CRIM1: variants seen among roughly 807,000 people sequenced by gnomAD.
CRIM1 encodes the protein cysteine rich transmembrane BMP regulator 1, also known as cysteine-rich motor neuron 1 protein.
In CRIM1, 32 loss-of-function variants were observed where a neutral mutation model predicts 116.4. The ratio of observed to expected loss-of-function variants is 0.27; its 90% CI spans 0.21 to 0.37. The LOEUF is 0.37. Ranked by LOEUF, CRIM1 falls within the 10% of genes least tolerant of loss-of-function variation. The pLI is 1.00. For missense variants in CRIM1, 1,331 were observed against 1,354.8 expected, an observed-to-expected ratio of 0.98 and a Z score of 0.28; for synonymous variants, 590 against 509.2, an observed-to-expected ratio of 1.16 and a Z score of -2.13.
chr2:36,419,067 G>A (rs529930254), intron 2 of CRIM1, among the ~76,000 whole-genome samples: 1 of 152,112 alleles, frequency 6.6e-6, no homozygotes, highest in South Asian at 2.1e-4. Context: ...AAATATAAGT[G>A]GAATTTGCTA....
intron 1 of CRIM1, among the ~76,000 whole-genome samples, chr2:36,383,163 G>T (rs1279357684): frequency 2.6e-5 from 4 of 152,078 alleles, no homozygotes; most frequent in African/African-American, 9.7e-5. Context: ...TATTTCTGTA[G>T]CATGTGGAAA....
rs746110521 is a variant in CRIM1 at position 36,537,446 on chromosome 2, C to T, written c.2523C>T (p.Tyr841=). The change falls in exon 14 of 17, where the codon TAC becomes TAT. Residue 841 remains tyrosine, a synonymous_variant. Transcript: ENST00000280527. ...RWDLDSCTHC[Y]CLQGQTLCST... is the part of the protein sequence containing the mutation. ...ACCTTGACAGCTGCACCCACTGCTA[C>T]TGCCTGCAGGGCCAGACCCTCTGCT... 2 of 1,614,234 alleles carry T rather than the reference C, an allele frequency of 1.2e-6. No individual in the cohort carries two copies. The highest frequency in any genetic ancestry group is 1.3e-5 in the African/African-American group (1 of 75,072).
At chr2:36,528,716 T>G (rs1395510987) in intron 13 of CRIM1, among the ~76,000 whole-genome samples, 1 of 151,998 alleles carries the variant, frequency 6.6e-6, no homozygotes, top group African/African-American at 2.4e-5. Flanking sequence ...AGATGAGAGG[T>G]GTGATTTGAA....
intron 5 of CRIM1, among the ~76,000 whole-genome samples, chr2:36,472,195 A>C (rs1678581428): frequency 6.6e-6 from 1 of 152,154 alleles, no homozygotes; most frequent in Admixed American, 6.5e-5. Context: ...TCTTCATAAC[A>C]CTTTTCCACA....
intron 12 of CRIM1, among the ~76,000 whole-genome samples, chr2:36,518,381 C>T (rs1286661925): frequency 6.6e-6 from 1 of 152,302 alleles, no homozygotes; most frequent in East Asian, 1.9e-4. Flanking sequence ...TAGAGCATTT[C>T]TGCTCAGCAA....
chr2:36,390,641 T>G (rs1671503758), intron 1 of CRIM1, among the ~76,000 whole-genome samples: 1 of 152,056 alleles, frequency 6.6e-6, no homozygotes, highest in Non-Finnish European at 1.5e-5. Context: ...GCCTTCTCAT[T>G]TCTGCTTGCA....
At position 36,356,375 on chromosome 2, in the gene CRIM1, C is replaced by T; in HGVS notation, c.83C>T (p.Ala28Val). The T allele has an allele frequency of 1.3e-6, 2 of 1,595,544 alleles. No individual in the cohort carries two copies. The highest frequency in any genetic ancestry group is 1.7e-6 in the Non-Finnish European group (2 of 1,173,474). The stretch of plus-strand genomic sequence containing the variant: ...CTGCTGGGGCTGCTGCTGCTGCTGG[C>T]GCGCTCCGGCACCCGGGCGCTGGTC... ...VSLLGLLLLL[A>V]RSGTRALVCL... Residue 28 changes from alanine to valine, a missense_variant, in exon 1 of 17, where the codon GCG (alanine) becomes GTG (valine). Physicochemically the swap from Ala to Val is moderately conservative, Grantham distance 64. Around this residue, in one of 3 missense-constraint regions of CRIM1, gnomAD observed 690 missense variants for 676.0 expected, o/e 1.02. Transcript: ENST00000280527. This position sits in a 1 kb window ranked among gnomAD's most constrained non-coding sequence, Gnocchi z 4.3.
Position 36,544,528 on chromosome 2 carries a change from A to T in CRIM1, c.2746+30A>T, listed in dbSNP as rs767676494. 2.3e-6 allele frequency: 3 copies of T among 1,319,526 alleles called. No homozygotes were observed. The Admixed American group carries it at 9.1e-5, about 40-fold the overall frequency. 81.7% of individuals were successfully genotyped at this position (1,319,526 alleles called of 1,614,324 possible). A position where few individuals can be genotyped will look rare whatever the true frequency, so the allele number is the denominator to read the frequency against. On this transcript the variant is annotated intron_variant, in intron 15 of 16. Transcript: ENST00000280527. ...GCATTGAAGGCAGCTGAGATCTGCT[A>T]GTTTTCTATGTGGTCTACTTAGGTG...
chr2:36,444,953 C>T (rs931533633), intron 4 of CRIM1, among the ~76,000 whole-genome samples: 3 of 152,166 alleles, frequency 2.0e-5, no homozygotes, highest in African/African-American at 4.8e-5. Context: ...TCATCCATCC[C>T]CTGTGTATCT....
At chr2:36,503,763 A>G (rs1197671396) in intron 8 of CRIM1, among the ~76,000 whole-genome samples, 2 of 152,022 alleles carry the variant, frequency 1.3e-5, no homozygotes, top group Non-Finnish European at 2.9e-5. Context: ...TTTGTCCCAA[A>G]TTCACCCTTA....
At chr2:36,388,102 T>C (rs1183290704) in intron 1 of CRIM1, among the ~76,000 whole-genome samples, 6 of 152,148 alleles carry the variant, frequency 3.9e-5, no homozygotes, top group Non-Finnish European at 7.3e-5. Flanking sequence ...CCCCTCACAT[T>C]AAAAAATCTT....
intron 5 of CRIM1, among the ~76,000 whole-genome samples, chr2:36,468,906 C>G (rs979394823): frequency 6.6e-5 from 10 of 152,192 alleles, no homozygotes; most frequent in African/African-American, 1.9e-4. Flanking sequence ...AATGGAATAT[C>G]TTGGTTGGAA....
intron 7 of CRIM1, among the ~76,000 whole-genome samples, chr2:36,495,475 ATTTTTTTT>A (rs1024205619): frequency 1.2e-4 from 16 of 129,634 alleles, no homozygotes; most frequent in Non-Finnish European, 1.8e-4. Flanking sequence ...TTATTTATTT[ATTTTTTTT>A]TTTTTTTTTT....
chr2:36,513,397 A>G, intron 10 of CRIM1, 159 bp from the exon 11 acceptor site: 1 of 612,600 alleles, frequency 1.6e-6, no homozygotes, highest in South Asian at 2.1e-5. Context: ...TTGAGAACAT[A>G]CTGACTTAAA....
chr2:36,464,554 T>C lies in CRIM1; in HGVS notation c.890T>C (p.Leu297Ser). 6.2e-7 allele frequency: 1 copy of C among 1,614,154 alleles called. No homozygotes were observed. The highest frequency in any genetic ancestry group is 8.5e-7 in the Non-Finnish European group (1 of 1,180,000). ...TTCAGATGCGAGTGTCTCTCTGGCT[T>C]ATGTGGTTTCCCCGTGTGTGAGGTG... The part of the protein sequence containing the change: ...LPTRCECLSG[L>S]CGFPVCEVGS... Residue 297 changes from leucine (L) to serine (S), a missense_variant, in exon 5 of 17, where the codon TTA (leucine) becomes TCA (serine). Coordinates refer to ENST00000280527, the MANE Select transcript of CRIM1 (RefSeq NM_016441.3).
At chr2:36,378,366 A>G (rs1040504664) in intron 1 of CRIM1, 5 of 471,008 alleles carry the variant, frequency 1.1e-5, no homozygotes, top group Non-Finnish European at 2.2e-5. Context: ...GCTGCGGGGT[A>G]TTGAATTTGA....
At chr2:36,527,951 A>G (rs1665865498) in intron 13 of CRIM1, among the ~76,000 whole-genome samples, 1 of 151,468 alleles carries the variant, frequency 6.6e-6, no homozygotes, top group African/African-American at 2.4e-5. Flanking sequence ...GTCACATTCT[A>G]GCTTTATGTC....
intron 2 of CRIM1, among the ~76,000 whole-genome samples, chr2:36,410,532 GT>G (rs1161272902): frequency 2.0e-5 from 3 of 151,670 alleles, no homozygotes; most frequent in African/African-American, 7.3e-5. Flanking sequence ...TTTTCACCCA[GT>G]TTAGAAAGTG....
rs566527669 is a variant in CRIM1 at position 36,478,945 on chromosome 2, C to G, written c.1175-552C>G. Among the ~76,000 whole-genome samples, 51 of 152,222 alleles carry G rather than the reference C, an allele frequency of 3.4e-4. 1 individual carries two copies. Among genetic ancestry groups the G allele is most frequent in the Non-Finnish European group, 8.8e-5 (6 of 68,010 alleles). On this transcript the variant is annotated intron_variant, in intron 6 of 16. Transcript: ENST00000280527. ...AATGGCCTAAGTTCACAGCGCTCCT[C>G]CAAGGCACAGTGACCCATGGTATGT... is the stretch of plus-strand genomic sequence containing the variant.
Sources: gnomAD v4.1 joint callset for allele counts (sites outside exome capture counted in the v4.1 genomes callset) on GRCh38, gnomAD v4.1.1 for gene constraint, gnomAD v4.1.1 regional missense constraint, Gnocchi (gnomAD v3.1) non-coding constraint, MANE v1.5 for transcripts, NCBI Gene and HGNC (gene_info 2026-07-23, HGNC 2026-07-21) for gene names.